Variants in FYCO1 observed in about 807,000 individuals in gnomAD.
FYCO1 encodes the protein FYVE and coiled-coil domain autophagy adaptor 1.
In FYCO1, 122 loss-of-function variants were observed where a neutral mutation model predicts 165.1. The observed-to-expected ratio is 0.74, with a 90% CI of 0.64 to 0.86. FYCO1 has a LOEUF of 0.86. Ranked by LOEUF, FYCO1 falls within the 40% of genes least tolerant of loss-of-function variation. FYCO1 has a pLI of 0.00. For missense variants in FYCO1, 1,702 were observed against 1,810.3 expected, an observed-to-expected ratio of 0.94 and a Z score of 1.09; for synonymous variants, 648 against 742.5, an observed-to-expected ratio of 0.87 and a Z score of 2.07.
chr3:45,951,429 T>C (rs1013998066), intron 14 of FYCO1, among the ~76,000 whole-genome samples: 1 of 152,192 alleles, frequency 6.6e-6, no homozygotes, highest in African/African-American at 2.4e-5. Flanking sequence ...TTCACCACCA[T>C]ACTGTCTGCT....
In FYCO1 at chr3:45,959,154, C is replaced by T. The variant is rs375652802; in HGVS notation, c.3587+239G>A. Among the ~76,000 whole-genome samples the T allele has an allele frequency of 3.3e-5, 5 of 152,318 alleles. No individual in the cohort carries two copies. In the South Asian group the frequency reaches 1.0e-3, roughly 32 times the overall value. On this transcript the variant is annotated intron_variant, in intron 12 of 17. Transcript: ENST00000296137. ...CTGGGTATGCCCCATCCCTGCGGGGCCCCCTAACTCCATCCACATCTCTGT... is the reference window on the plus strand; with the variant it reads ...CTGGGTATGCCCCATCCCTGCGGGGTCCCCTAACTCCATCCACATCTCTGT...
chr3:45,940,000 A>C (rs925800281), intron 14 of FYCO1, among the ~76,000 whole-genome samples: 4 of 152,248 alleles, frequency 2.6e-5, no homozygotes, highest in African/African-American at 4.8e-5. Context: ...TCCACTGACC[A>C]GTGCAGGTTT....
intron 15 of FYCO1, 106 bp from the exon 16 acceptor site, chr3:45,931,387 T>A: frequency 1.9e-6 from 2 of 1,040,692 alleles, no homozygotes; most frequent in Admixed American, 3.9e-5. Context: ...CGGAGACTCT[T>A]GAGAGGACAA....
At position 45,964,370 on chromosome 3, in the gene FYCO1, T is replaced by C. The variant is rs1705871062; in HGVS notation, c.3235A>G (p.Lys1079Glu). Residue 1079 changes from lysine to glutamate, a missense_variant, in exon 10 of 18, where the codon AAG (lysine) becomes GAG (glutamate). Lys to Glu is a moderately conservative substitution (Grantham distance 56). Coordinates refer to ENST00000296137, the MANE Select transcript of FYCO1 (RefSeq NM_024513.4). This position sits in a 1 kb window ranked among gnomAD's most constrained non-coding sequence, Gnocchi z 4.1. ...ECQAAMLRKD[K>E]EGAALREDLE... Reference sequence around the variant, plus strand: ...TCTTCACGCAGGGCAGCCCCCTCCTTGTCCTTCCTCAGCATGGCCGCCTGG... The same window carrying C: ...TCTTCACGCAGGGCAGCCCCCTCCTCGTCCTTCCTCAGCATGGCCGCCTGG... 1 of 1,614,056 alleles carries C rather than the reference T, an allele frequency of 6.2e-7. No homozygotes were observed. Among genetic ancestry groups the C allele is most frequent in the East Asian group, 2.2e-5 (1 of 44,874 alleles).
Position 45,969,556 on chromosome 3 carries a change from G to A in FYCO1, c.630+119C>T, listed in dbSNP as rs1706301294. 4.2e-5 allele frequency: 32 copies of A among 754,840 alleles called. No individual in the cohort carries two copies. In the South Asian group the frequency reaches 4.7e-4, roughly 11 times the overall value. 46.8% of individuals were successfully genotyped at this position (754,840 alleles called of 1,614,324 possible). A position where few individuals can be genotyped will look rare whatever the true frequency, so the allele number is the denominator to read the frequency against. On this transcript the variant is annotated intron_variant, in intron 7 of 17. Coordinates refer to ENST00000296137, the MANE Select transcript of FYCO1 (RefSeq NM_024513.4). ...CGGGAACAGCAGCCATAACTGAGTG[G>A]TTCTATTGCTCTGGCTGGAACAACG...
chr3:45,978,623 G>A (rs900505941), intron 4 of FYCO1, among the ~76,000 whole-genome samples: 1 of 152,158 alleles, frequency 6.6e-6, no homozygotes, highest in Non-Finnish European at 1.5e-5. Context: ...CCAAGCAGCA[G>A]GTGTGTTGAC....
At chr3:45,934,426 C>G (rs1703783335) in intron 15 of FYCO1, among the ~76,000 whole-genome samples, 1 of 152,174 alleles carries the variant, frequency 6.6e-6, no homozygotes, top group Non-Finnish European at 1.5e-5. Context: ...TGGGGGAATA[C>G]CAATTTGAAT....
At chr3:45,981,304 C>A (rs1707041225) in intron 3 of FYCO1, among the ~76,000 whole-genome samples, 1 of 152,294 alleles carries the variant, frequency 6.6e-6, no homozygotes, top group South Asian at 2.1e-4. Flanking sequence ...CATACAGTAA[C>A]CTTCTGACCT....
At chr3:45,946,679 G>A (rs1704631931) in intron 14 of FYCO1, 3 of 1,614,104 alleles carry the variant, frequency 1.9e-6, no homozygotes, top group East Asian at 2.2e-5. Context: ...AGAGCCTGAC[G>A]GATGTGTTCC....
intron 2 of FYCO1, 142 bp from the exon 3 acceptor site, chr3:45,981,818 T>A: frequency 1.4e-6 from 1 of 698,342 alleles, no homozygotes; most frequent in African/African-American, 1.8e-5. Context: ...TAAGTATCCA[T>A]GAGATATAAC....
rs775675242 is a variant in FYCO1, at chr3:45,967,209, A to G, written c.2125T>C (p.Cys709Arg). The stretch of plus-strand genomic sequence containing the variant: ...TCCACCTCCTCCCGCAGCTGCTGAC[A>G]CTCGCCCTCCTTGCTCTGTAGAATG... The part of the protein sequence containing the change: ...EAILQSKEGE[C>R]QQLREEVEQC... The change falls in exon 8 of 18, where the codon TGT becomes CGT. Residue 709 changes from cysteine to arginine, a missense_variant. Coordinates refer to ENST00000296137, the MANE Select transcript of FYCO1 (RefSeq NM_024513.4). The G allele has an allele frequency of 5.6e-6, 9 of 1,613,530 alleles. No homozygotes were observed. The Admixed American group carries it at 1.3e-4, about 24-fold the overall frequency.
At chr3:45,972,353 T>C (rs1706490815) in intron 6 of FYCO1, among the ~76,000 whole-genome samples, 2 of 152,242 alleles carry the variant, frequency 1.3e-5, no homozygotes, top group African/African-American at 2.4e-5. Context: ...GTGGTTTGCA[T>C]GTGACTATCA....
At chr3:45,946,793 C>T (rs768579435) in intron 14 of FYCO1, 2 of 1,613,778 alleles carry the variant, frequency 1.2e-6, no homozygotes, top group Non-Finnish European at 8.5e-7. Flanking sequence ...TGTGCAAGAG[C>T]CTACTGGGCA....
Position 45,968,444 on chromosome 3 carries a change from T to A in FYCO1, c.890A>T (p.Glu297Val). ...GGTGACCTCCCACTGCTTCTGGAGC[T>A]CAGCTACCAAGCAAGTGAGGCGAAC... ...DNVRLTCLVAELQKQWEVTQA... is the reference protein window; with the variant it reads ...DNVRLTCLVAVLQKQWEVTQA... The change falls in exon 8 of 18, where the codon GAG (glutamate) becomes GTG (valine). Residue 297 changes from glutamate to valine, a missense_variant. Glu to Val is a moderately radical substitution (Grantham distance 121). Coordinates refer to ENST00000296137, the MANE Select transcript of FYCO1 (RefSeq NM_024513.4). 6.2e-7 allele frequency: 1 copy of A among 1,613,984 alleles called. No homozygotes were observed.
chr3:45,954,215 T>A (rs966612096), intron 14 of FYCO1, among the ~76,000 whole-genome samples: 1 of 148,002 alleles, frequency 6.8e-6, no homozygotes, highest in Non-Finnish European at 1.5e-5. Context: ...ATGACATTTT[T>A]TGGGGGGGGT....
chr3:45,955,175 T>C, intron 14 of FYCO1, 74 bp downstream of exon 14: 14 of 1,544,400 alleles, frequency 9.1e-6, no homozygotes, highest in Non-Finnish European at 1.2e-5. Flanking sequence ...CTCACTTTCC[T>C]CATCCTTTGA....
chr3:45,984,375 AGGACTG>A (rs1707213493), intron 2 of FYCO1, among the ~76,000 whole-genome samples: 1 of 152,250 alleles, frequency 6.6e-6, no homozygotes, highest in Non-Finnish European at 1.5e-5. Flanking sequence ...GGGAGGCAGC[AGGACTG>A]GACCTACAGT....
chr3:45,979,753 C>G lies in FYCO1; in HGVS notation c.240G>C (p.Lys80Asn). Residue 80 changes from lysine (K) to asparagine (N), a missense_variant, in exon 4 of 18, where the codon AAG becomes AAC. Lys to Asn is a moderately conservative substitution (Grantham distance 94, BLOSUM62 0). Coordinates refer to ENST00000296137, the MANE Select transcript of FYCO1 (RefSeq NM_024513.4). ...YWDYFCACLAKVKGANDGIRF... is the reference protein window; with the variant it reads ...YWDYFCACLANVKGANDGIRF... ...GGATCCCATCATTGGCTCCTTTCAC[C>G]TTGGCCAGGCAGGCACAGAAGTAAT... 1.2e-6 allele frequency: 2 copies of G among 1,614,104 alleles called. No homozygotes were observed. The highest frequency in any genetic ancestry group is 1.3e-5 in the African/African-American group (1 of 75,050).
rs766380757 is a variant in FYCO1 at position 45,936,487 on chromosome 3, T to C, written c.4001A>G (p.Gln1334Arg). 8 of 1,613,978 alleles carry C rather than the reference T, an allele frequency of 5.0e-6. No homozygotes were observed. The highest frequency in any genetic ancestry group is 3.3e-5 in the Admixed American group (2 of 60,012). ...PEDTEDMPVG[Q>R]DSEICLLKSG... is the part of the protein sequence containing the mutation. ...CTTCAGCAGGCAGATTTCCGAATCC[T>C]GCCCCACGGGCATGTCTTCAGTGTC... The change falls in exon 15 of 18, where the codon CAG becomes CGG. Residue 1334 changes from glutamine to arginine, a missense_variant. Coordinates refer to ENST00000296137, the MANE Select transcript of FYCO1 (RefSeq NM_024513.4).
Sources: allele counts gnomAD v4.1 joint callset (sites outside exome capture counted in the v4.1 genomes callset), GRCh38; gene constraint gnomAD v4.1.1; non-coding constraint Gnocchi (gnomAD v3.1); transcripts MANE v1.5; gene names NCBI Gene and HGNC (gene_info 2026-07-23, HGNC 2026-07-21).